FHIT: variants seen among roughly 807,000 people sequenced by gnomAD.
The protein encoded by FHIT is fragile histidine triad diadenosine triphosphatase, also known as bis(5'-adenosyl)-triphosphatase.
In FHIT, 19 loss-of-function variants were observed where a neutral mutation model predicts 17.9. That is an observed-to-expected ratio of 1.06 (90% CI 0.74 to 1.56). The LOEUF (loss-of-function observed/expected upper bound fraction) is 1.56. FHIT is among the 40% of genes most tolerant of loss of function. FHIT has a pLI of 0.00. For missense variants in FHIT, 248 were observed against 189.2 expected (o/e 1.31, Z -1.82); for synonymous variants, 81 against 69.7 (o/e 1.16, Z -0.81).
chr3:61,060,410 A>T (rs566184494), intron 2 of FHIT, among the ~76,000 whole-genome samples: 2 of 152,322 alleles, frequency 1.3e-5, no homozygotes, highest in African/African-American at 4.8e-5. Context: ...CCAAAACCAT[A>T]ATGAGCTACT....
intron 2 of FHIT, among the ~76,000 whole-genome samples, chr3:61,181,710 C>T (rs2038349236): frequency 6.6e-6 from 1 of 152,220 alleles, no homozygotes; most frequent in Admixed American, 6.5e-5. Flanking sequence ...AATCTTGCCA[C>T]ATAGGGCCCA....
intron 4 of FHIT, among the ~76,000 whole-genome samples, chr3:60,620,591 A>C (rs2039093993): frequency 6.6e-6 from 1 of 152,056 alleles, no homozygotes; most frequent in Non-Finnish European, 1.5e-5. Flanking sequence ...ATTGGAAAAA[A>C]AAAAAAAACT....
chr3:60,264,501 C>G (rs375978561), intron 5 of FHIT, among the ~76,000 whole-genome samples: 6 of 152,138 alleles, frequency 3.9e-5, no homozygotes, highest in African/African-American at 1.4e-4. Context: ...TCTGTACACA[C>G]AGCACTTTAT....
At chr3:60,392,113 T>C (rs2107157204) in intron 5 of FHIT, among the ~76,000 whole-genome samples, 1 of 152,326 alleles carries the variant, frequency 6.6e-6, no homozygotes, top group South Asian at 2.1e-4. Flanking sequence ...CAAACTTTTC[T>C]TCCATCAAAA....
At chr3:60,212,255 G>A (rs887735414) in intron 5 of FHIT, among the ~76,000 whole-genome samples, 11 of 152,142 alleles carry the variant, frequency 7.2e-5, no homozygotes, top group African/African-American at 2.7e-4. Context: ...ACTGGCTCCA[G>A]TCACACCCTT....
intron 3 of FHIT, among the ~76,000 whole-genome samples, chr3:60,866,537 A>G (rs1277552265): frequency 2.0e-5 from 3 of 152,178 alleles, no homozygotes; most frequent in Non-Finnish European, 4.4e-5. Context: ...TTACAGCCCC[A>G]GTCAAGCCTT....
chr3:60,275,773 C>G (rs374579493), intron 5 of FHIT, among the ~76,000 whole-genome samples: 1 of 152,144 alleles, frequency 6.6e-6, no homozygotes, highest in Non-Finnish European at 1.5e-5. Flanking sequence ...GTTACTAAAA[C>G]TAAACTGATA....
intron 5 of FHIT, among the ~76,000 whole-genome samples, chr3:60,359,625 C>CT (rs1699823071): frequency 6.6e-5 from 10 of 152,184 alleles, no homozygotes; most frequent in Admixed American, 5.9e-4. Context: ...CCCATGACCC[C>CT]TTCACCAGAG....
intron 4 of FHIT, among the ~76,000 whole-genome samples, chr3:60,628,659 G>C (rs1553681664): frequency 6.6e-6 from 1 of 152,144 alleles, no homozygotes; most frequent in Non-Finnish European, 1.5e-5. Flanking sequence ...TGATCATCTA[G>C]GTAATCGATG....
intron 4 of FHIT, among the ~76,000 whole-genome samples, chr3:60,634,843 C>A (rs560558742): frequency 1.3e-5 from 2 of 152,178 alleles, no homozygotes; most frequent in South Asian, 2.1e-4. Flanking sequence ...AACATGATTT[C>A]TTTTGCATTC....
At chr3:60,355,629 G>A (rs1287893293) in intron 5 of FHIT, among the ~76,000 whole-genome samples, 3 of 152,004 alleles carry the variant, frequency 2.0e-5, no homozygotes, top group Admixed American at 2.0e-4. Flanking sequence ...AAACTCAATG[G>A]ACATGCAAAG....
chr3:60,344,071 C>G (rs973033659), intron 5 of FHIT, among the ~76,000 whole-genome samples: 1 of 152,166 alleles, frequency 6.6e-6, no homozygotes, highest in African/African-American at 2.4e-5. Context: ...GATCTGTTAA[C>G]AGGTTGCCAA....
chr3:60,438,829 C>T (rs71313768), intron 5 of FHIT, among the ~76,000 whole-genome samples: 1 of 152,050 alleles, frequency 6.6e-6, no homozygotes, highest in Non-Finnish European at 1.5e-5. Flanking sequence ...CCCAGAACAC[C>T]AAAATTGCCT....
intron 7 of FHIT, among the ~76,000 whole-genome samples, chr3:59,962,285 G>A (rs778105690): frequency 6.6e-6 from 1 of 152,088 alleles, no homozygotes; most frequent in Non-Finnish European, 1.5e-5. Flanking sequence ...CTAGAGATGG[G>A]GCTCTTGGAA....
intron 3 of FHIT, among the ~76,000 whole-genome samples, chr3:60,881,782 A>T (rs116384962): frequency 9.2e-4 from 140 of 152,254 alleles, no homozygotes; most frequent in African/African-American, 3.3e-3. Flanking sequence ...AAAAGTTTAT[A>T]ACAATAAACA....
At chr3:60,886,855 A>G (rs527978652) in intron 3 of FHIT, among the ~76,000 whole-genome samples, 3 of 152,176 alleles carry the variant, frequency 2.0e-5, no homozygotes, top group African/African-American at 7.2e-5. Flanking sequence ...TATCTAGACT[A>G]TCTACTACCT....
chr3:60,820,123 C>A (rs1194424250), intron 4 of FHIT, among the ~76,000 whole-genome samples: 3 of 152,022 alleles, frequency 2.0e-5, no homozygotes, highest in African/African-American at 7.2e-5. Flanking sequence ...GCCTGGCCAA[C>A]ACGGTAAAAC....
At chr3:60,402,942 C>T (rs747938991) in intron 5 of FHIT, among the ~76,000 whole-genome samples, 2 of 152,188 alleles carry the variant, frequency 1.3e-5, no homozygotes, top group African/African-American at 4.8e-5. Context: ...TACCTACTTT[C>T]AAGGACCACC....
At chr3:60,449,302 G>A (rs1386725982) in intron 5 of FHIT, among the ~76,000 whole-genome samples, 1 of 152,136 alleles carries the variant, frequency 6.6e-6, no homozygotes, top group African/African-American at 2.4e-5. Flanking sequence ...CTATGCAACT[G>A]TGAGAAAGTC....
Sources: allele counts gnomAD v4.1 joint callset (sites outside exome capture counted in the v4.1 genomes callset), GRCh38; gene constraint gnomAD v4.1.1; transcripts MANE v1.5; gene names NCBI Gene and HGNC (gene_info 2026-07-23, HGNC 2026-07-21).